Variants in CDK6 observed in about 807,000 individuals in gnomAD.
CDK6 encodes the protein cyclin-dependent kinase 6.
Under a neutral mutation model 37.1 loss-of-function variants are expected in CDK6, and 6 were observed. That is an observed-to-expected ratio of 0.16 (90% CI 0.09 to 0.32). The LOEUF (loss-of-function observed/expected upper bound fraction) is 0.32, where lower values mean the gene tolerates loss of function less well. Among genes scored for constraint, CDK6 ranks in the 10% least tolerant of loss-of-function variants. The probability of loss-of-function intolerance (pLI) is 1.00; values close to 1 mark genes in which losing one functional copy is unlikely to be tolerated. For synonymous variants in CDK6, 160 were observed against 161.3 expected (o/e 0.99, Z 0.06); for missense variants, 224 against 418.9 (o/e 0.53, Z 4.06).
In CDK6 at chr7:92,770,367, T is replaced by C. The variant is rs925786451; in HGVS notation, c.369+4329A>G. Reference sequence around the variant, plus strand: ...TAGAATAAGGTATATTTAATGATGTTGGAAAGAATCACCTATGATTTTATT... The same window carrying C: ...TAGAATAAGGTATATTTAATGATGTCGGAAAGAATCACCTATGATTTTATT... On this transcript the variant is annotated intron_variant, in intron 3 of 7. Transcript: ENST00000424848. Among the ~76,000 whole-genome samples, 5 of 149,890 alleles carry C rather than the reference T, an allele frequency of 3.3e-5. No homozygotes were observed. In the East Asian group the frequency reaches 9.8e-4, roughly 29 times the overall value.
intron 3 of CDK6, among the ~76,000 whole-genome samples, chr7:92,749,130 C>T (rs1210009813): frequency 2.7e-5 from 4 of 146,140 alleles, no homozygotes; most frequent in Admixed American, 7.0e-5. Flanking sequence ...ACCTGGGAGG[C>T]GGAGGTTGTG....
intron 4 of CDK6, among the ~76,000 whole-genome samples, chr7:92,708,079 G>C (rs1275492494): frequency 6.6e-6 from 1 of 152,022 alleles, no homozygotes; most frequent in Admixed American, 6.5e-5. Flanking sequence ...GCCCCAAGGA[G>C]AGAAAAATCG....
chr7:92,663,171 G>C (rs1350846468), intron 5 of CDK6, among the ~76,000 whole-genome samples: 1 of 152,118 alleles, frequency 6.6e-6, no homozygotes, highest in Admixed American at 6.5e-5. Context: ...AAGAATGGTA[G>C]AGTGGTATAT....
intron 2 of CDK6, among the ~76,000 whole-genome samples, chr7:92,815,272 A>G (rs1384351138): frequency 6.6e-6 from 1 of 152,152 alleles, no homozygotes; most frequent in Non-Finnish European, 1.5e-5. Flanking sequence ...CCCAAAAGTA[A>G]AGCCTGTGAA....
intron 3 of CDK6, among the ~76,000 whole-genome samples, chr7:92,760,292 A>G (rs1037090451): frequency 2.6e-5 from 4 of 152,038 alleles, no homozygotes; most frequent in African/African-American, 9.6e-5. Flanking sequence ...AAAACTTATC[A>G]TATCATTTTT....
At chr7:92,665,725 A>G (rs2116591299) in intron 5 of CDK6, among the ~76,000 whole-genome samples, 1 of 152,374 alleles carries the variant, frequency 6.6e-6, no homozygotes, top group Non-Finnish European at 1.5e-5. Context: ...TGACCACTCT[A>G]AAATATCATT....
intron 2 of CDK6, among the ~76,000 whole-genome samples, chr7:92,799,567 C>T (rs1234145283): frequency 6.6e-6 from 1 of 151,754 alleles, no homozygotes; most frequent in Non-Finnish European, 1.5e-5. Flanking sequence ...GTCCTATTTG[C>T]CAGTGACCCT....
intron 2 of CDK6, among the ~76,000 whole-genome samples, chr7:92,794,897 A>AAAGG (rs1800370437): frequency 7.2e-6 from 1 of 139,052 alleles, no homozygotes; most frequent in Non-Finnish European, 1.5e-5. Context: ...GATAATAAAG[A>AAAGG]TGTTGATTCT....
intron 2 of CDK6, among the ~76,000 whole-genome samples, chr7:92,802,216 T>C (rs894544687): frequency 6.6e-6 from 1 of 151,960 alleles, no homozygotes; most frequent in African/African-American, 2.4e-5. Flanking sequence ...GAGTCTCCAT[T>C]GTCCAACATT....
chr7:92,777,323 C>T (rs1447714036), intron 2 of CDK6, among the ~76,000 whole-genome samples: 1 of 152,176 alleles, frequency 6.6e-6, no homozygotes, highest in Non-Finnish European at 1.5e-5. Flanking sequence ...ACCTCCGCCT[C>T]CCAGGTTCAA....
At chr7:92,775,534 T>G (rs1009576384) in intron 2 of CDK6, among the ~76,000 whole-genome samples, 1 of 152,170 alleles carries the variant, frequency 6.6e-6, no homozygotes, top group African/African-American at 2.4e-5. Context: ...TTTGGATGGG[T>G]GAATCCAGTT....
intron 2 of CDK6, among the ~76,000 whole-genome samples, chr7:92,827,277 A>C (rs1371536438): frequency 6.6e-6 from 1 of 152,224 alleles, no homozygotes; most frequent in Non-Finnish European, 1.5e-5. Flanking sequence ...ATCCTTTAGG[A>C]AGGCCAGAGA....
At chr7:92,707,212 T>G (rs1797987959) in intron 4 of CDK6, among the ~76,000 whole-genome samples, 1 of 152,220 alleles carries the variant, frequency 6.6e-6, no homozygotes, top group Non-Finnish European at 1.5e-5. Flanking sequence ...TTAACTCATT[T>G]AATTCCCACA....
chr7:92,676,507 T>C (rs1797205962), intron 4 of CDK6, among the ~76,000 whole-genome samples: 1 of 152,202 alleles, frequency 6.6e-6, no homozygotes, highest in African/African-American at 2.4e-5. Flanking sequence ...TACTTATATT[T>C]TTCTATACTT....
intron 4 of CDK6, chr7:92,725,027 A>C: frequency 1.0e-6 from 1 of 979,002 alleles, no homozygotes; most frequent in Non-Finnish European, 1.2e-6. Context: ...AAAAAGAAAC[A>C]GGGTATCATA....
chr7:92,668,635 A>G (rs1194720395), intron 5 of CDK6, among the ~76,000 whole-genome samples: 2 of 152,222 alleles, frequency 1.3e-5, no homozygotes, highest in East Asian at 1.9e-4. Flanking sequence ...ATTTAGGATT[A>G]GCCTAAAGCA....
chr7:92,747,552 G>C (rs1799089071), intron 3 of CDK6, among the ~76,000 whole-genome samples: 1 of 152,158 alleles, frequency 6.6e-6, no homozygotes, highest in Admixed American at 6.5e-5. Flanking sequence ...AGCAAATCTT[G>C]AGCAAGACTT....
chr7:92,770,591 A>G (rs1350326591), intron 3 of CDK6, among the ~76,000 whole-genome samples: 1 of 152,166 alleles, frequency 6.6e-6, no homozygotes, highest in African/African-American at 2.4e-5. Flanking sequence ...ATGGCACTTA[A>G]GTGCACTTCA....
At chr7:92,711,311 G>A (rs909822664) in intron 4 of CDK6, among the ~76,000 whole-genome samples, 1 of 151,988 alleles carries the variant, frequency 6.6e-6, no homozygotes, top group Non-Finnish European at 1.5e-5. Context: ...TGGACAAAAT[G>A]CCTAGGATAA....
Sources: allele counts gnomAD v4.1 joint callset (sites outside exome capture counted in the v4.1 genomes callset), GRCh38; gene constraint gnomAD v4.1.1; transcripts MANE v1.5; gene names NCBI Gene and HGNC (gene_info 2026-07-23, HGNC 2026-07-21).